The following SRC variants were observed in gnomAD, a reference collection of about 807,000 sequenced individuals.
SRC encodes the protein proto-oncogene tyrosine-protein kinase Src.
A neutral mutation model predicts 62.9 loss-of-function variants in SRC; 13 were observed. The ratio of observed to expected loss-of-function variants is 0.21; its 90% confidence interval spans 0.13 to 0.33. SRC has a LOEUF of 0.33. Among genes scored for constraint, SRC ranks in the 10% least tolerant of loss-of-function variants. The pLI is 1.00. For missense variants in SRC, 457 were observed against 737.3 expected, an observed-to-expected ratio of 0.62 and a Z score of 4.40; for synonymous variants, 302 against 317.5, an observed-to-expected ratio of 0.95 and a Z score of 0.52.
At position 37,403,163 on chromosome 20, in the gene SRC, GC is replaced by G; in HGVS notation, c.1403-5del. On this transcript the variant is annotated splice_region_variant and splice_polypyrimidine_tract_variant and intron_variant, in intron 13 of 13. Coordinates refer to ENST00000373578, the MANE Select transcript of SRC (RefSeq NM_198291.3). This position sits in a 1 kb window ranked among gnomAD's most constrained non-coding sequence, Gnocchi z 7.1. ...AGCCGGGCTCCCCATGCCTCGCTCTGCCCACAGGGATGGTGAACCGCGAGGT... is the reference window on the plus strand; with the variant it reads ...AGCCGGGCTCCCCATGCCTCGCTCTGCCACAGGGATGGTGAACCGCGAGGT... 1 of 1,535,010 alleles carries G rather than the reference GC, an allele frequency of 6.5e-7. No homozygotes were observed. The highest frequency in any genetic ancestry group is 8.7e-7 in the Non-Finnish European group (1 of 1,144,040).
At chr20:37,353,679 G>C (rs1281811936) in intron 1 of SRC, among the ~76,000 whole-genome samples, 1 of 152,162 alleles carries the variant, frequency 6.6e-6, no homozygotes, top group Non-Finnish European at 1.5e-5. Flanking sequence ...CAGGAGCCAG[G>C]GGACTTGCCC....
intron 2 of SRC, among the ~76,000 whole-genome samples, chr20:37,378,531 C>T (rs1387753343): frequency 1.3e-5 from 2 of 152,148 alleles, no homozygotes; most frequent in African/African-American, 4.8e-5. Context: ...GGAGATTCTA[C>T]CCTGCCGCTG....
intron 5 of SRC, among the ~76,000 whole-genome samples, chr20:37,393,400 A>G (rs967331422): frequency 2.0e-5 from 3 of 152,220 alleles, no homozygotes; most frequent in East Asian, 3.8e-4. Context: ...AGGTCTCACC[A>G]GCTCCCAGGA....
At chr20:37,388,821 G>T (rs1288211770) in intron 5 of SRC, among the ~76,000 whole-genome samples, 1 of 152,028 alleles carries the variant, frequency 6.6e-6, no homozygotes, top group Non-Finnish European at 1.5e-5. Flanking sequence ...AAGGGATTTG[G>T]GGGGCGGGGC....
At chr20:37,368,713 C>A (rs1256702066) in intron 2 of SRC, among the ~76,000 whole-genome samples, 2 of 150,602 alleles carry the variant, frequency 1.3e-5, no homozygotes, top group Admixed American at 6.6e-5. Flanking sequence ...CCACTACGCC[C>A]GGCTATTTTT....
intron 2 of SRC, among the ~76,000 whole-genome samples, chr20:37,373,258 A>G (rs905606595): frequency 3.9e-5 from 3 of 76,732 alleles, no homozygotes; most frequent in Non-Finnish European, 6.9e-5. Flanking sequence ...ACGCACACAC[A>G]TGTACATACG....
chr20:37,401,312 T>A (rs565250245), intron 10 of SRC, among the ~76,000 whole-genome samples: 2 of 152,236 alleles, frequency 1.3e-5, no homozygotes, highest in South Asian at 4.1e-4. Context: ...CTGAGATGCA[T>A]CCTTGTTGCA....
chr20:37,364,009 C>T (rs974863875), intron 1 of SRC, among the ~76,000 whole-genome samples: 1 of 152,052 alleles, frequency 6.6e-6, no homozygotes, highest in African/African-American at 2.4e-5. Flanking sequence ...CCCCCTCCAT[C>T]CCCGCACAGG....
At chr20:37,357,794 G>T (rs2069905652) in intron 1 of SRC, among the ~76,000 whole-genome samples, 1 of 152,252 alleles carries the variant, frequency 6.6e-6, no homozygotes, top group Non-Finnish European at 1.5e-5. Context: ...TGAGCAGATG[G>T]CTGAGTCCTG....
intron 3 of SRC, among the ~76,000 whole-genome samples, 160 bp from the exon 4 acceptor site, chr20:37,383,990 C>T (rs978414833): frequency 5.9e-5 from 9 of 152,076 alleles, no homozygotes; most frequent in Non-Finnish European, 1.0e-4. Flanking sequence ...CCCGCTTCGG[C>T]CTCCCAAAGT....
At chr20:37,393,256 G>C (rs2070582728) in intron 5 of SRC, among the ~76,000 whole-genome samples, 1 of 152,242 alleles carries the variant, frequency 6.6e-6, no homozygotes, top group South Asian at 2.1e-4. Flanking sequence ...GGAGGAGGAG[G>C]CCTGTAGTTT....
chr20:37,367,152 A>G (rs1294644990), intron 2 of SRC, among the ~76,000 whole-genome samples: 1 of 147,606 alleles, frequency 6.8e-6, no homozygotes, highest in Non-Finnish European at 1.5e-5. Flanking sequence ...GGCTAACTGC[A>G]ACCTCAAACT....
Position 37,400,104 on chromosome 20 carries a change from C to A in SRC, c.860-11C>A. The A allele has an allele frequency of 6.3e-7, 1 of 1,591,684 alleles. No individual in the cohort carries two copies. The highest frequency in any genetic ancestry group is 8.6e-7 in the Non-Finnish European group (1 of 1,167,068). ...GGCTCCACTGAGTCAGCCTGCATCC[C>A]TCCTCAACAGGGACCTGGAACGGTA... is the stretch of plus-strand genomic sequence containing the variant. On this transcript the variant is annotated splice_polypyrimidine_tract_variant and intron_variant, in intron 9 of 13. Coordinates refer to ENST00000373578, the MANE Select transcript of SRC (RefSeq NM_198291.3).
At chr20:37,401,800 C>A in intron 11 of SRC, 122 bp downstream of exon 11, 2 of 631,290 alleles carry the variant, frequency 3.2e-6, no homozygotes, top group Non-Finnish European at 5.3e-6. Context: ...TGCCTCCACA[C>A]TCACTGATCT....
intron 1 of SRC, among the ~76,000 whole-genome samples, chr20:37,357,953 G>T (rs1047546581): frequency 2.6e-5 from 4 of 152,214 alleles, no homozygotes; most frequent in African/African-American, 9.7e-5. Flanking sequence ...AGTAGAGCGA[G>T]GGGAGGGATG....
intron 2 of SRC, among the ~76,000 whole-genome samples, chr20:37,373,384 TAC>T (rs983291291): frequency 2.6e-5 from 4 of 152,038 alleles, no homozygotes; most frequent in East Asian, 3.9e-4. Flanking sequence ...ATGTACATTA[TAC>T]ACATATATGC....
rs2070779087 is a variant in SRC, at chr20:37,403,661, G to A, written c.*282G>A. The A allele has an allele frequency of 6.2e-6, 3 of 482,010 alleles. No homozygotes were observed. Among genetic ancestry groups the A allele is most frequent in the African/African-American group, 1.9e-5 (1 of 52,486 alleles). 29.9% of individuals were successfully genotyped at this position (482,010 alleles called of 1,614,324 possible). On this transcript the variant is annotated 3_prime_UTR_variant, in exon 14 of 14. Transcript: ENST00000373578. This position sits in a 1 kb window ranked among gnomAD's most constrained non-coding sequence, Gnocchi z 7.1. ...CCCTCCTGGAGCTCTGTGGGTCTCT[G>A]GAAGAGGAACCAGGAGAAGGGCTGG...
At chr20:37,399,334 TC>T (rs1283552552) in intron 9 of SRC, among the ~76,000 whole-genome samples, 1 of 152,052 alleles carries the variant, frequency 6.6e-6, no homozygotes, top group Non-Finnish European at 1.5e-5. Flanking sequence ...GCGGGTGGGC[TC>T]CAGAGGTGAC....
At chr20:37,368,225 C>G (rs1167425565) in intron 2 of SRC, among the ~76,000 whole-genome samples, 1 of 152,076 alleles carries the variant, frequency 6.6e-6, no homozygotes, top group Admixed American at 6.6e-5. Context: ...AGAGACCAGC[C>G]TGGCCAACAT....
Sources: allele counts gnomAD v4.1 joint callset (sites outside exome capture counted in the v4.1 genomes callset), GRCh38; gene constraint gnomAD v4.1.1; non-coding constraint Gnocchi (gnomAD v3.1); transcripts MANE v1.5; gene names NCBI Gene and HGNC (gene_info 2026-07-23, HGNC 2026-07-21).